Variants in CSNK1E observed in about 807,000 individuals in gnomAD.
CSNK1E encodes the protein casein kinase I isoform epsilon.
CSNK1E carries 17 observed loss-of-function variants against 46.1 expected under a neutral mutation model. The observed-to-expected ratio is 0.37, with a 90% CI of 0.25 to 0.55. The LOEUF is 0.55. CSNK1E is among the 20% of genes least tolerant of loss of function. The pLI is 0.82. For missense variants in CSNK1E, 386 were observed against 595.4 expected, an observed-to-expected ratio of 0.65 and a Z score of 3.66; for synonymous variants, 241 against 242.6, an observed-to-expected ratio of 0.99 and a Z score of 0.06.
chr22:38,316,742 G>C (rs963746523), intron 1 of CSNK1E: 1 of 152,258 alleles, frequency 6.6e-6, no homozygotes, highest in Non-Finnish European at 1.5e-5. Flanking sequence ...CCGGGGCCGG[G>C]AGAGCAGGGG....
intron 1 of CSNK1E, among the ~76,000 whole-genome samples, chr22:38,315,908 C>T (rs2092743091): frequency 6.6e-6 from 1 of 152,134 alleles, no homozygotes; most frequent in Admixed American, 6.5e-5. Flanking sequence ...GGGGCAAGCC[C>T]TTCAGGACCC....
chr22:38,297,893 G>A lies in CSNK1E; in HGVS notation c.885+893C>T, dbSNP rs978598291. Reference sequence around the variant, plus strand: ...GGCACACCTGGCGACATCAGAAATGGGGCCCTGGAGTCCAGACCACAGGCC... The same window carrying A: ...GGCACACCTGGCGACATCAGAAATGAGGCCCTGGAGTCCAGACCACAGGCC... On this transcript the variant is annotated intron_variant, in intron 7 of 10. Transcript: ENST00000396832. 4.7e-6 allele frequency: 5 copies of A among 1,053,644 alleles called. No individual in the cohort carries two copies. The African/African-American group carries it at 6.9e-5, about 15-fold the overall frequency. The allele number at this position is 1,053,644 out of a possible 1,614,324, so 65.3% of individuals were successfully genotyped here.
chr22:38,294,070 G>A lies in CSNK1E; in HGVS notation c.1218+39C>T, dbSNP rs188723251. On this transcript the variant is annotated intron_variant, in intron 9 of 10. Coordinates refer to ENST00000396832, the MANE Select transcript of CSNK1E (RefSeq NM_152221.3). This position sits in a 1 kb window ranked among gnomAD's most constrained non-coding sequence, Gnocchi z 5.5. ...CTCCCACTGGGGGGTCTCTAACTCA[G>A]TTCTGAGGCCCAGAGGGACTGGCAG... The A allele has an allele frequency of 1.9e-6, 3 of 1,597,130 alleles. No individual in the cohort carries two copies. The African/African-American group carries it at 4.0e-5, about 21-fold the overall frequency.
At position 38,299,922 on chromosome 22, in the gene CSNK1E, T is replaced by C. The variant is rs759692009; in HGVS notation, c.709A>G (p.Ile237Val). 1.9e-6 allele frequency: 3 copies of C among 1,614,054 alleles called. No individual in the cohort carries two copies. Among genetic ancestry groups the C allele is most frequent in the Non-Finnish European group, 2.5e-6 (3 of 1,180,020 alleles). Reference protein sequence around the residue: ...RISEKKMSTPIEVLCKGYPSE... With the variant: ...RISEKKMSTPVEVLCKGYPSE... ...GGATAGCCTTTGCAGAGGACCTCGA[T>C]GGGCGTTGACATCTTCTTCTCGCTG... The change falls in exon 6 of 11, where the codon ATC becomes GTC. Residue 237 changes from isoleucine (I) to valine (V), a missense_variant. Ile to Val is a conservative substitution (Grantham distance 29). Around this residue, in one of 2 missense-constraint regions of CSNK1E, gnomAD observed 212 missense variants for 410.2 expected, o/e 0.52. Coordinates refer to ENST00000396832, the MANE Select transcript of CSNK1E (RefSeq NM_152221.3).
Position 38,317,346 on chromosome 22 carries a change from C to CTCG in CSNK1E, c.-202_-200dup, listed in dbSNP as rs1488382352. 9 of 124,260 alleles carry CTCG rather than the reference C, an allele frequency of 7.2e-5. No homozygotes were observed. Among genetic ancestry groups the CTCG allele is most frequent in the African/African-American group, 2.0e-4 (6 of 30,366 alleles). The allele number at this position is 124,260 out of a possible 1,614,324, so 7.7% of individuals were successfully genotyped here. On this transcript the variant is annotated 5_prime_UTR_variant, in exon 1 of 11. Transcript: ENST00000396832. ...CCCGGCCGGGCTCTGGCTCTGGGCTCTCGCCGCCGCCGCCGCCGCCGCCGC... is the reference window on the plus strand; with the variant it reads ...CCCGGCCGGGCTCTGGCTCTGGGCTCTCGTCGCCGCCGCCGCCGCCGCCGCCGC...
intron 10 of CSNK1E, chr22:38,292,904 T>G: frequency 3.2e-6 from 1 of 314,320 alleles, no homozygotes; most frequent in Non-Finnish European, 6.1e-6. Flanking sequence ...ACAGGGCTAA[T>G]GCCGTGGGAG....
intron 2 of CSNK1E, among the ~76,000 whole-genome samples, chr22:38,310,480 G>A (rs1425829289): frequency 1.3e-5 from 2 of 152,136 alleles, no homozygotes; most frequent in African/African-American, 4.8e-5. Context: ...CAGCAGCAGC[G>A]GCGGCAACCT....
intron 1 of CSNK1E, chr22:38,316,844 A>G (rs1271467723): frequency 1.3e-5 from 2 of 152,052 alleles, no homozygotes; most frequent in Middle Eastern, 3.4e-3. Context: ...AGCGTCCCCA[A>G]ATCACAGCCG....
chr22:38,298,375 C>T lies in CSNK1E; in HGVS notation c.885+411G>A, dbSNP rs1171679036. ...GGCCCATGACCAAGAAGAAAGCAAG[C>T]ACCATGACTGGGTCCAGGCTGGCCC... On this transcript the variant is annotated intron_variant, in intron 7 of 10. Coordinates refer to ENST00000396832, the MANE Select transcript of CSNK1E (RefSeq NM_152221.3). The surrounding 1 kb of genome is among the most constrained non-coding windows in gnomAD (Gnocchi z 4.2). 6.6e-6 allele frequency among the ~76,000 whole-genome samples: 1 copy of T among 151,080 alleles called. No homozygotes were observed. The highest frequency in any genetic ancestry group is 1.5e-5 in the Non-Finnish European group (1 of 67,858).
chr22:38,293,438 T>G, intron 9 of CSNK1E, 119 bp from the exon 10 acceptor site: 1 of 661,034 alleles, frequency 1.5e-6, no homozygotes, highest in Non-Finnish European at 2.7e-6. Context: ...TGAGGAGGTG[T>G]ACCCCCACCC....
At chr22:38,315,196 C>T (rs1351376528) in intron 1 of CSNK1E, among the ~76,000 whole-genome samples, 1 of 152,250 alleles carries the variant, frequency 6.6e-6, no homozygotes, top group Non-Finnish European at 1.5e-5. Context: ...CTCCCACACT[C>T]ACAAACAGGG....
At chr22:38,292,710 T>C (rs1377398350) in intron 10 of CSNK1E, 1 of 152,548 alleles carries the variant, frequency 6.6e-6, no homozygotes, top group Non-Finnish European at 1.5e-5. Flanking sequence ...GGCCCCAGAG[T>C]GGGGCGTTTC....
Position 38,298,835 on chromosome 22 carries a change from C to T in CSNK1E, c.836G>A (p.Arg279Gln), listed in dbSNP as rs536663704. The change falls in exon 7 of 11, where the codon CGG becomes CAG. Residue 279 changes from arginine (R) to glutamine (Q), a missense_variant. Physicochemically the swap from Arg to Gln is conservative, Grantham distance 43. Around this residue, in one of 2 missense-constraint regions of CSNK1E, gnomAD observed 212 missense variants for 410.2 expected, o/e 0.52. Coordinates refer to ENST00000396832, the MANE Select transcript of CSNK1E (RefSeq NM_152221.3). The surrounding 1 kb of genome is among the most constrained non-coding windows in gnomAD (Gnocchi z 4.2). ...GACGTAGTCATAGGAGAAGCCCTGC[C>T]GGTGGAAGAGGTTGCGGAAGAGCTG... ...LRQLFRNLFH[R>Q]QGFSYDYVFD... is the part of the protein sequence containing the mutation. The T allele has an allele frequency of 1.2e-6, 2 of 1,614,138 alleles. No individual in the cohort carries two copies. The highest frequency in any genetic ancestry group is 1.3e-5 in the African/African-American group (1 of 75,032).
In CSNK1E at chr22:38,298,317, G is replaced by A. The variant is rs2092652013; in HGVS notation, c.885+469C>T. On this transcript the variant is annotated intron_variant, in intron 7 of 10. Coordinates refer to ENST00000396832, the MANE Select transcript of CSNK1E (RefSeq NM_152221.3). This position sits in a 1 kb window ranked among gnomAD's most constrained non-coding sequence, Gnocchi z 4.2. Reference sequence around the variant, plus strand: ...CCCCACCCCTGGGACTCTTAAAAGAGGGAAACAGAACAACTGCCTAGCCAG... The same window carrying A: ...CCCCACCCCTGGGACTCTTAAAAGAAGGAAACAGAACAACTGCCTAGCCAG... 1.3e-6 allele frequency: 1 copy of A among 753,272 alleles called. No individual in the cohort carries two copies. Among genetic ancestry groups the A allele is most frequent in the African/African-American group, 1.9e-5 (1 of 53,260 alleles). 46.7% of individuals were successfully genotyped at this position (753,272 alleles called of 1,614,324 possible).
rs776652748 is a variant in CSNK1E, at chr22:38,303,220, G to T, written c.105C>A (p.Val35=). The change falls in exon 3 of 11, where the codon GTC becomes GTA. Residue 35 remains valine (V), a synonymous_variant. Transcript: ENST00000396832. The surrounding 1 kb of genome is among the most constrained non-coding windows in gnomAD (Gnocchi z 4.7). ...TCTTCACACACTCCAGCTTGATGGC[G>T]ACTTCCTCACCAGAGGCGATGTTGG... ...LGANIASGEE[V]AIKLECVKTK... 1.9e-6 allele frequency: 3 copies of T among 1,608,044 alleles called. No individual in the cohort carries two copies. Among genetic ancestry groups the T allele is most frequent in the African/African-American group, 1.3e-5 (1 of 74,886 alleles).
intron 1 of CSNK1E, among the ~76,000 whole-genome samples, chr22:38,315,959 C>A (rs993003829): frequency 6.6e-6 from 1 of 152,066 alleles, no homozygotes; most frequent in Admixed American, 6.5e-5. Context: ...CCCAGTCGCT[C>A]CCCAACACCC....
At chr22:38,296,711 G>T in intron 7 of CSNK1E, 1 of 1,608,420 alleles carries the variant, frequency 6.2e-7, no homozygotes, top group Non-Finnish European at 8.5e-7. Flanking sequence ...GATCTTGCTG[G>T]CTAGACAGTC....
chr22:38,298,311 A>G lies in CSNK1E; in HGVS notation c.885+475T>C. On this transcript the variant is annotated intron_variant, in intron 7 of 10. Transcript: ENST00000396832. This position sits in a 1 kb window ranked among gnomAD's most constrained non-coding sequence, Gnocchi z 4.2. ...ACCCAACCCCACCCCTGGGACTCTT[A>G]AAAGAGGGAAACAGAACAACTGCCT... The G allele has an allele frequency of 2.5e-6, 2 of 786,194 alleles. No individual in the cohort carries two copies. The highest frequency in any genetic ancestry group is 3.6e-6 in the Non-Finnish European group (2 of 557,990). The allele number at this position is 786,194 out of a possible 1,614,324, so 48.7% of individuals were successfully genotyped here.
At chr22:38,295,882 G>A (rs963248373) in intron 7 of CSNK1E, among the ~76,000 whole-genome samples, 1 of 152,256 alleles carries the variant, frequency 6.6e-6, no homozygotes, top group African/African-American at 2.4e-5. Flanking sequence ...CCACTCGGTT[G>A]CAGGCTGGCC....
Sources: gnomAD v4.1 joint callset for allele counts (sites outside exome capture counted in the v4.1 genomes callset) on GRCh38, gnomAD v4.1.1 for gene constraint, gnomAD v4.1.1 regional missense constraint, Gnocchi (gnomAD v3.1) non-coding constraint, MANE v1.5 for transcripts, NCBI Gene and HGNC (gene_info 2026-07-23, HGNC 2026-07-21) for gene names.